Variants in MVP observed in about 807,000 individuals in gnomAD.
The protein encoded by MVP is lung resistance-related protein.
A neutral mutation model predicts 83.5 loss-of-function variants in MVP; 62 were observed. That is an observed-to-expected ratio of 0.74 (90% CI 0.61 to 0.92). The LOEUF is 0.92. Among genes scored for constraint, MVP ranks in the 40% least tolerant of loss-of-function variants. The pLI, the probability that MVP is intolerant of heterozygous loss-of-function variation, is 0.00. For missense variants in MVP, 1,000 were observed against 1,203.4 expected (o/e 0.83, Z 2.50); for synonymous variants, 505 against 504.1 (o/e 1.00, Z -0.02).
At chr16:29,845,661 G>A (rs1038900387) in intron 11 of MVP, among the ~76,000 whole-genome samples, 2 of 152,200 alleles carry the variant, frequency 1.3e-5, no homozygotes, top group Admixed American at 6.6e-5. Flanking sequence ...GTAGGGGGCC[G>A]CAGTCACGCC....
rs2067539754 is a variant in MVP, at chr16:29,842,003, C to T, written c.1525C>T (p.His509Tyr). 4 of 1,612,082 alleles carry T rather than the reference C, an allele frequency of 2.5e-6. No homozygotes were observed. Among genetic ancestry groups the T allele is most frequent in the Non-Finnish European group, 3.4e-6 (4 of 1,179,996 alleles). ...SLSAGRPKRP[H>Y]ARRALCLLLG... is the part of the protein sequence containing the mutation. ...CTCAGCTGGGCGGCCCAAGCGTCCC[C>T]ATGCCCGCCGTGCGCTCTGCCTGCT... is the stretch of plus-strand genomic sequence containing the variant. Residue 509 changes from histidine (H) to tyrosine (Y), a missense_variant, in exon 10 of 15, where the codon CAT (histidine) becomes TAT (tyrosine). Physicochemically the swap from His to Tyr is moderately conservative, Grantham distance 83 (BLOSUM62 2). Transcript: ENST00000357402.
intron 10 of MVP, among the ~76,000 whole-genome samples, chr16:29,843,782 C>G (rs1049013731): frequency 3.3e-5 from 5 of 151,954 alleles, no homozygotes; most frequent in African/African-American, 1.2e-4. Flanking sequence ...AGCTTGTAGT[C>G]CCAGCTACTC....
rs200956879 is a variant in MVP at position 29,847,281 on chromosome 16, G to C, written c.2350G>C (p.Ala784Pro). The stretch of plus-strand genomic sequence containing the variant: ...CCAGCTGGAGCTGGAGGTGAGCAAG[G>C]CTCAGCAGCTGGCTGAGGTGGAGGT... ...RAQLELEVSK[A>P]QQLAEVEVKK... is the part of the protein sequence containing the mutation. Residue 784 changes from alanine (A) to proline (P), a missense_variant, in exon 14 of 15, where the codon GCT becomes CCT. Physicochemically the swap from Ala to Pro is conservative, Grantham distance 27 (BLOSUM62 -1). Coordinates refer to ENST00000357402, the MANE Select transcript of MVP (RefSeq NM_005115.5). 2 of 1,613,452 alleles carry C rather than the reference G, an allele frequency of 1.2e-6. No homozygotes were observed. The highest frequency in any genetic ancestry group is 2.2e-5 in the South Asian group (2 of 91,050).
At chr16:29,830,202 C>A in intron 1 of MVP, 1 of 213,804 alleles carries the variant, frequency 4.7e-6, no homozygotes, top group Non-Finnish European at 9.6e-6. Context: ...ATCTGAAGCT[C>A]TTTGCAGTGC....
chr16:29,845,042 G>T (rs2067572195), intron 11 of MVP, among the ~76,000 whole-genome samples, 163 bp downstream of exon 11: 1 of 152,024 alleles, frequency 6.6e-6, no homozygotes, highest in Non-Finnish European at 1.5e-5. Flanking sequence ...TGTGAATCAG[G>T]CTGGGCGCGG....
At chr16:29,822,386 T>C (rs1375087448) in intron 1 of MVP, among the ~76,000 whole-genome samples, 1 of 151,654 alleles carries the variant, frequency 6.6e-6, no homozygotes, top group Non-Finnish European at 1.5e-5. Context: ...CTAAAGGGGG[T>C]AAACCAGGAA....
At chr16:29,825,085 T>C (rs766489005) in intron 1 of MVP, among the ~76,000 whole-genome samples, 10 of 152,118 alleles carry the variant, frequency 6.6e-5, no homozygotes, top group Non-Finnish European at 1.3e-4. Flanking sequence ...GGTTTCTGCT[T>C]TGGACAGGCT....
chr16:29,821,784 A>G (rs2067363476), intron 1 of MVP, among the ~76,000 whole-genome samples: 1 of 152,162 alleles, frequency 6.6e-6, no homozygotes, highest in African/African-American at 2.4e-5. Flanking sequence ...ACTTAACACT[A>G]CCTGGCACAG....
chr16:29,830,504 C>G lies in MVP; in HGVS notation c.-35-11C>G. ...CCAGGTTCATCCTGTGTCGTCTCCCCCACCTACCAGTCATCTTCTTGTGAG... is the reference window on the plus strand; with the variant it reads ...CCAGGTTCATCCTGTGTCGTCTCCCGCACCTACCAGTCATCTTCTTGTGAG... On this transcript the variant is annotated splice_polypyrimidine_tract_variant and intron_variant, in intron 1 of 14. Coordinates refer to ENST00000357402, the MANE Select transcript of MVP (RefSeq NM_005115.5). 6.2e-7 allele frequency: 1 copy of G among 1,604,848 alleles called. No individual in the cohort carries two copies. Among genetic ancestry groups the G allele is most frequent in the East Asian group, 2.2e-5 (1 of 44,774 alleles).
intron 1 of MVP, among the ~76,000 whole-genome samples, chr16:29,829,448 C>T (rs551614354): frequency 1.1e-3 from 145 of 135,272 alleles, no homozygotes; most frequent in African/African-American, 4.1e-3. Flanking sequence ...GAGTAAGACT[C>T]CGTCTCAAAA....
chr16:29,847,645 G>C, intron 14 of MVP, 117 bp from the exon 15 acceptor site: 5 of 1,087,054 alleles, frequency 4.6e-6, no homozygotes, highest in East Asian at 4.7e-5. Context: ...AGGCAGTCAA[G>C]CAGGGTGGTC....
At position 29,847,729 on chromosome 16, in the gene MVP, C is replaced by A. The variant is rs1221963198; in HGVS notation, c.2455-33C>A. 5 of 1,600,892 alleles carry A rather than the reference C, an allele frequency of 3.1e-6. No homozygotes were observed. The Admixed American group carries it at 8.3e-5, about 27-fold the overall frequency. On this transcript the variant is annotated intron_variant, in intron 14 of 14. Coordinates refer to ENST00000357402, the MANE Select transcript of MVP (RefSeq NM_005115.5). ...CTCTGAAGTGGCCAGGGTTTGACGCCCATCTCAACTTCCTCCTGTTCTCAC... is the reference window on the plus strand; with the variant it reads ...CTCTGAAGTGGCCAGGGTTTGACGCACATCTCAACTTCCTCCTGTTCTCAC...
intron 3 of MVP, 121 bp downstream of exon 3, chr16:29,831,194 TCGCCCAG>T: frequency 9.9e-7 from 1 of 1,009,270 alleles, no homozygotes; most frequent in Non-Finnish European, 1.4e-6. Flanking sequence ...TTCACTCTTG[TCGCCCAG>T]GCTGGAGTGC....
chr16:29,845,901 G>T lies in MVP; in HGVS notation c.2060G>T (p.Arg687Leu). ...AQRLEQEARG[R>L]LERQKILDQS... is the part of the protein sequence containing the mutation. ...AGACTGGAGCAGGAAGCCCGCGGCC[G>T]GCTTGAGCGGCAGAAGATCCTGGAC... The change falls in exon 12 of 15, where the codon CGG becomes CTG. Residue 687 changes from arginine (R) to leucine (L), a missense_variant. Physicochemically the swap from Arg to Leu is moderately radical, Grantham distance 102 (BLOSUM62 -2). Transcript: ENST00000357402. 2.5e-6 allele frequency: 4 copies of T among 1,614,110 alleles called. No homozygotes were observed. The highest frequency in any genetic ancestry group is 3.4e-6 in the Non-Finnish European group (4 of 1,179,974).
intron 10 of MVP, among the ~76,000 whole-genome samples, chr16:29,842,799 G>A (rs1486183878): frequency 6.6e-6 from 1 of 152,224 alleles, no homozygotes; most frequent in Non-Finnish European, 1.5e-5. Flanking sequence ...ATCCAGGGAA[G>A]GCGTGGGCTC....
In MVP at chr16:29,840,296, G is replaced by A. The variant is rs1290887379; in HGVS notation, c.1028G>A (p.Gly343Glu). The A allele has an allele frequency of 1.2e-6, 2 of 1,613,590 alleles. No homozygotes were observed. The highest frequency in any genetic ancestry group is 2.2e-5 in the East Asian group (1 of 44,880). ...AGGGCCCTGCAGCCCCTGGAGGAGG[G>A]GGAGGATGAGGAGAAGGTCTCACAC... The part of the protein sequence containing the change: ...LLRALQPLEE[G>E]EDEEKVSHQA... The change falls in exon 8 of 15, where the codon GGG (glycine) becomes GAG (glutamate). Residue 343 changes from glycine (G) to glutamate (E), a missense_variant. By Grantham distance (98) the Gly-to-Glu change is moderately conservative (BLOSUM62 -2). Coordinates refer to ENST00000357402, the MANE Select transcript of MVP (RefSeq NM_005115.5).
rs1205972910 is a variant in MVP at position 29,841,702 on chromosome 16, C to T, written c.1298C>T (p.Pro433Leu). ...GAGCTGCTGAACAAGGGGCAGGACC[C>T]TCTGGCAGACAGGGGTGAGAAGGAC... Reference protein sequence around the residue: ...VEELLNKGQDPLADRGEKDTA... With the variant: ...VEELLNKGQDLLADRGEKDTA... Residue 433 changes from proline to leucine, a missense_variant, in exon 9 of 15, where the codon CCT (proline) becomes CTT (leucine). Physicochemically the swap from Pro to Leu is moderately conservative, Grantham distance 98. Transcript: ENST00000357402. This position sits in a 1 kb window ranked among gnomAD's most constrained non-coding sequence, Gnocchi z 4.7. 1.2e-6 allele frequency: 2 copies of T among 1,612,452 alleles called. No individual in the cohort carries two copies. Among genetic ancestry groups the T allele is most frequent in the East Asian group, 2.2e-5 (1 of 44,830 alleles).
At chr16:29,826,093 G>C (rs1333285984) in intron 1 of MVP, 1 of 152,260 alleles carries the variant, frequency 6.6e-6, no homozygotes, top group Admixed American at 6.5e-5. Flanking sequence ...GCCAGCTCAG[G>C]TGGGGAGCCC....
chr16:29,840,188 C>CT lies in MVP; in HGVS notation c.926dup (p.Leu310ProfsTer37). The CT allele has an allele frequency of 6.2e-7, 1 of 1,609,674 alleles. No individual in the cohort carries two copies. Among genetic ancestry groups the CT allele is most frequent in the East Asian group, 2.2e-5 (1 of 44,792 alleles). On this transcript the variant is annotated frameshift_variant, in exon 8 of 15. Coordinates refer to ENST00000357402, the MANE Select transcript of MVP (RefSeq NM_005115.5). LOFTEE classifies it high-confidence loss of function. ...ACGTCTCCCCACTAGGGAGAGAAGT[C>CT]TTTTTTCCTCCAGCCAGGAGAGCAG...
Sources: allele counts gnomAD v4.1 joint callset (sites outside exome capture counted in the v4.1 genomes callset), GRCh38; gene constraint gnomAD v4.1.1; non-coding constraint Gnocchi (gnomAD v3.1); transcripts MANE v1.5; gene names NCBI Gene and HGNC (gene_info 2026-07-23, HGNC 2026-07-21).